The following COX6C variants were observed in gnomAD, a reference collection of about 807,000 sequenced individuals.
COX6C encodes cytochrome c oxidase polypeptide VIc.
A neutral mutation model predicts 6.9 loss-of-function variants in COX6C; 3 were observed. That is an observed-to-expected ratio of 0.43 (90% confidence interval 0.20 to 1.12). The LOEUF (loss-of-function observed/expected upper bound fraction) is 1.12, where lower values mean the gene tolerates loss of function less well. Among genes scored for constraint, COX6C ranks in the 50% most tolerant of loss-of-function variants. COX6C has a pLI of 0.27. For missense variants in COX6C, 101 were observed against 97.3 expected, an observed-to-expected ratio of 1.04 and a Z score of -0.16; for synonymous variants, 32 against 32.0, an observed-to-expected ratio of 1.00 and a Z score of 0.00.
intron 3 of COX6C, among the ~76,000 whole-genome samples, chr8:99,881,897 G>C (rs1203684336): frequency 6.6e-6 from 1 of 152,160 alleles, no homozygotes; most frequent in East Asian, 1.9e-4. Flanking sequence ...TGAACGGGTA[G>C]AAAAAGATGT....
intron 2 of COX6C, among the ~76,000 whole-genome samples, chr8:99,888,175 A>G (rs1415919255): frequency 1.3e-5 from 2 of 152,168 alleles, no homozygotes; most frequent in African/African-American, 4.8e-5. Flanking sequence ...AGAAATACAC[A>G]GAAATCATGC....
At chr8:99,884,961 CA>C (rs1817924152) in intron 3 of COX6C, among the ~76,000 whole-genome samples, 2 of 152,188 alleles carry the variant, frequency 1.3e-5, no homozygotes, top group South Asian at 4.1e-4. Context: ...ATCAAAATCC[CA>C]ATGGCATTTT....
intron 2 of COX6C, among the ~76,000 whole-genome samples, chr8:99,891,703 C>A (rs1214275253): frequency 1.3e-5 from 2 of 152,162 alleles, no homozygotes; most frequent in Non-Finnish European, 2.9e-5. Flanking sequence ...TTAAGGCACC[C>A]AGTCTGTGGT....
chr8:99,892,151 T>A, intron 1 of COX6C, 99 bp from the exon 2 acceptor site: 3 of 649,814 alleles, frequency 4.6e-6, no homozygotes, highest in Admixed American at 2.9e-5. Flanking sequence ...GCCCTGAATA[T>A]ACACTCCGAT....
intron 3 of COX6C, among the ~76,000 whole-genome samples, chr8:99,880,336 TA>T (rs1359020827): frequency 6.6e-6 from 1 of 152,026 alleles, no homozygotes; most frequent in Non-Finnish European, 1.5e-5. Context: ...AACAACTATC[TA>T]AAAAATGCTC....
At chr8:99,892,662 T>TTA (rs1818073120) in intron 1 of COX6C, among the ~76,000 whole-genome samples, 1 of 152,110 alleles carries the variant, frequency 6.6e-6, no homozygotes, top group Non-Finnish European at 1.5e-5. Flanking sequence ...GTCTCTTGGC[T>TTA]TAGCCTGTTT....
intron 3 of COX6C, among the ~76,000 whole-genome samples, chr8:99,882,343 C>T (rs1817878012): frequency 1.3e-5 from 2 of 152,128 alleles, no homozygotes; most frequent in African/African-American, 4.8e-5. Flanking sequence ...AATAAGTCTT[C>T]AATTTTAAAA....
intron 2 of COX6C, among the ~76,000 whole-genome samples, chr8:99,891,570 G>C (rs186222645): frequency 6.6e-4 from 101 of 152,262 alleles, no homozygotes; most frequent in African/African-American, 2.3e-3. Flanking sequence ...AAGAAGTTCA[G>C]CTACAGATAT....
intron 2 of COX6C, among the ~76,000 whole-genome samples, chr8:99,888,094 A>G (rs1166251958): frequency 2.0e-5 from 3 of 150,834 alleles, no homozygotes; most frequent in Non-Finnish European, 4.4e-5. Flanking sequence ...CTGTCTCAAA[A>G]AAATAAAAAA....
intron 3 of COX6C, chr8:99,885,846 T>C (rs933746500): frequency 1.3e-5 from 2 of 152,136 alleles, no homozygotes; most frequent in Non-Finnish European, 2.9e-5. Context: ...ACCTATGAAA[T>C]GGGAGAAAAT....
At chr8:99,888,166 G>A (rs972714009) in intron 2 of COX6C, among the ~76,000 whole-genome samples, 1 of 151,526 alleles carries the variant, frequency 6.6e-6, no homozygotes, top group Admixed American at 6.6e-5. Context: ...TCCCTCTGCA[G>A]AAATACACAG....
At chr8:99,882,747 A>G (rs942379334) in intron 3 of COX6C, among the ~76,000 whole-genome samples, 1 of 139,594 alleles carries the variant, frequency 7.2e-6, no homozygotes, top group African/African-American at 3.0e-5. Context: ...GAACAATTAT[A>G]TGTAAACAAA....
At chr8:99,890,832 G>GC (rs1433398954) in intron 2 of COX6C, among the ~76,000 whole-genome samples, 2 of 152,144 alleles carry the variant, frequency 1.3e-5, no homozygotes, top group Non-Finnish European at 2.9e-5. Context: ...GTGTTAAAAC[G>GC]CAATTCTGTG....
At chr8:99,889,096 A>G (rs949661934) in intron 2 of COX6C, among the ~76,000 whole-genome samples, 2 of 152,198 alleles carry the variant, frequency 1.3e-5, no homozygotes, top group African/African-American at 4.8e-5. Context: ...AATTTAGCTA[A>G]ACTAAGGAGC....
intron 2 of COX6C, among the ~76,000 whole-genome samples, chr8:99,890,163 A>G (rs1818012528): frequency 6.6e-6 from 1 of 151,970 alleles, no homozygotes; most frequent in Non-Finnish European, 1.5e-5. Context: ...TAGTTTCTCC[A>G]TATCGCCCAG....
At chr8:99,879,342 C>G (rs1817818739) in intron 3 of COX6C, among the ~76,000 whole-genome samples, 1 of 152,126 alleles carries the variant, frequency 6.6e-6, no homozygotes, top group Admixed American at 6.5e-5. Context: ...ACCCACCTAA[C>G]AAACTATACT....
At chr8:99,883,606 A>G (rs952388548) in intron 3 of COX6C, among the ~76,000 whole-genome samples, 20 of 151,822 alleles carry the variant, frequency 1.3e-4, no homozygotes, top group Non-Finnish European at 2.8e-4. Context: ...CCAGCCCTCT[A>G]TGAAACCAGC....
intron 3 of COX6C, among the ~76,000 whole-genome samples, chr8:99,879,099 A>ACC (rs1162232857): frequency 6.6e-6 from 1 of 152,266 alleles, no homozygotes; most frequent in Non-Finnish European, 1.5e-5. Flanking sequence ...TGGCAAAAAG[A>ACC]AACTACATTG....
intron 1 of COX6C, among the ~76,000 whole-genome samples, chr8:99,892,499 T>A (rs1818070166): frequency 6.6e-6 from 1 of 152,270 alleles, no homozygotes; most frequent in South Asian, 2.1e-4. Context: ...CATGTAGCTC[T>A]CACTACTCTG....
Sources: gnomAD v4.1 joint callset for allele counts (sites outside exome capture counted in the v4.1 genomes callset) on GRCh38, gnomAD v4.1.1 for gene constraint, MANE v1.5 for transcripts, NCBI Gene and HGNC (gene_info 2026-07-23, HGNC 2026-07-21) for gene names.